CUBN: variants seen among roughly 807,000 people sequenced by gnomAD.
CUBN encodes the protein cubilin, also known as 460 kDa receptor.
Under a neutral mutation model 405.3 loss-of-function variants are expected in CUBN, and 282 were observed. The ratio of observed to expected loss-of-function variants is 0.70; its 90% confidence interval spans 0.63 to 0.77. The LOEUF (loss-of-function observed/expected upper bound fraction) is 0.77. CUBN is among the 30% of genes least tolerant of loss of function. The pLI is 0.00. For missense variants in CUBN, 4,514 were observed against 4,475.2 expected (o/e 1.01, Z -0.25); for synonymous variants, 1,684 against 1,617.0 (o/e 1.04, Z -0.99).
At chr10:16,903,898 A>G in intron 51 of CUBN, 68 bp downstream of exon 51, 1 of 1,111,926 alleles carries the variant, frequency 9.0e-7, no homozygotes, top group African/African-American at 1.6e-5. Context: ...ATATATATGA[A>G]ATCTTTATGG....
At position 16,945,507 on chromosome 10, in the gene CUBN, C is replaced by A. The variant is rs368443586; in HGVS notation, c.5342+1728G>T. On this transcript the variant is annotated intron_variant, in intron 36 of 66. Coordinates refer to ENST00000377833, the MANE Select transcript of CUBN (RefSeq NM_001081.4). The stretch of plus-strand genomic sequence containing the variant: ...ACCAGGCCAGGCACGGTGGCTCATG[C>A]CTGTAATCCCAGCACTTTGGGAGGC... 2.7e-3 allele frequency among the ~76,000 whole-genome samples: 413 copies of A among 152,220 alleles called. 1 individual carries two copies. Among genetic ancestry groups the A allele is most frequent in the African/African-American group, 9.8e-3 (406 of 41,522 alleles).
intron 30 of CUBN, among the ~76,000 whole-genome samples, chr10:16,983,335 T>C (rs765551888): frequency 6.6e-6 from 1 of 152,176 alleles, no homozygotes; most frequent in East Asian, 1.9e-4. Context: ...AGCTCTTATA[T>C]AGATACCTTG....
chr10:17,082,088 G>A (rs1367976038), intron 17 of CUBN, among the ~76,000 whole-genome samples: 1 of 152,130 alleles, frequency 6.6e-6, no homozygotes, highest in African/African-American at 2.4e-5. Flanking sequence ...TCTCTGAACT[G>A]ATAAATTCAA....
At chr10:17,084,559 C>A in intron 16 of CUBN, 98 bp from the exon 17 acceptor site, 1 of 911,772 alleles carries the variant, frequency 1.1e-6, no homozygotes, top group Non-Finnish European at 1.8e-6. Flanking sequence ...CACACACACA[C>A]ACACAAGCAC....
rs555598976 is a variant in CUBN at position 16,889,977 on chromosome 10, T to C, written c.8755+394A>G. On this transcript the variant is annotated intron_variant, in intron 55 of 66. Coordinates refer to ENST00000377833, the MANE Select transcript of CUBN (RefSeq NM_001081.4). ...AACAGGAAAGACTTCGTCATGGAAA[T>C]TCTGAATTCAGTTGGGCCTGGAGTG... is the stretch of plus-strand genomic sequence containing the variant. Among the ~76,000 whole-genome samples the C allele has an allele frequency of 6.0e-4, 84 of 139,132 alleles. 1 individual carries two copies. The highest frequency in any genetic ancestry group is 1.2e-3 in the Non-Finnish European group (78 of 66,294). The allele number at this position is 139,132 out of a possible 152,430, so 91.3% of individuals were successfully genotyped here. A position where few individuals can be genotyped will look rare whatever the true frequency, so the allele number is the denominator to read the frequency against.
intron 22 of CUBN, among the ~76,000 whole-genome samples, chr10:17,064,648 A>C (rs1296540325): frequency 6.6e-6 from 1 of 152,154 alleles, no homozygotes; most frequent in Non-Finnish European, 1.5e-5. Context: ...AAAAAACAAC[A>C]CATCCTAGGG....
intron 60 of CUBN, among the ~76,000 whole-genome samples, chr10:16,850,436 A>G (rs978451466): frequency 6.6e-6 from 1 of 152,200 alleles, no homozygotes; most frequent in African/African-American, 2.4e-5. Flanking sequence ...GTCATTAAAA[A>G]TTGAACAGAA....
At position 16,918,801 on chromosome 10, in the gene CUBN, C is replaced by G. The variant is rs1353402674; in HGVS notation, c.6822-1G>C. ...CAACTCAAGGTAGTTGGAAGTACAGCTGAAGTGGGAACAAAATTCTGTTAA... is the reference window on the plus strand; with the variant it reads ...CAACTCAAGGTAGTTGGAAGTACAGGTGAAGTGGGAACAAAATTCTGTTAA... On this transcript the variant is annotated splice_acceptor_variant, in intron 44 of 66. Coordinates refer to ENST00000377833, the MANE Select transcript of CUBN (RefSeq NM_001081.4). LOFTEE classifies it high-confidence loss of function. 1.9e-6 allele frequency: 3 copies of G among 1,613,396 alleles called. No individual in the cohort carries two copies. The highest frequency in any genetic ancestry group is 2.5e-6 in the Non-Finnish European group (3 of 1,179,578).
chr10:16,992,493 C>T (rs1001843271), intron 28 of CUBN, among the ~76,000 whole-genome samples: 2 of 152,156 alleles, frequency 1.3e-5, no homozygotes, highest in African/African-American at 4.8e-5. Flanking sequence ...AAGTAAGACA[C>T]CAAGTCTGAG....
In CUBN at chr10:16,990,397, A is replaced by C; in HGVS notation, c.4287T>G (p.Ile1429Met). ...WYIRTDPGSS[I>M]QLTIHDFDVE... is the part of the protein sequence containing the mutation. ...CATCGAAGTCATGGATGGTGAGCTG[A>C]ATGCTACTCCCGGGGTCCGTCCTAA... The change falls in exon 29 of 67, where the codon ATT becomes ATG. Residue 1429 changes from isoleucine (I) to methionine (M), a missense_variant. Physicochemically the swap from Ile to Met is conservative, Grantham distance 10. Transcript: ENST00000377833. 1 of 1,614,174 alleles carries C rather than the reference A, an allele frequency of 6.2e-7. No homozygotes were observed. The highest frequency in any genetic ancestry group is 1.1e-5 in the South Asian group (1 of 91,084).
At chr10:16,871,113 T>C (rs1179605480) in intron 58 of CUBN, among the ~76,000 whole-genome samples, 1 of 151,932 alleles carries the variant, frequency 6.6e-6, no homozygotes, top group Non-Finnish European at 1.5e-5. Context: ...CTGCAACCTC[T>C]GCCTCCCTGG....
rs139511152 is a variant in CUBN, at chr10:16,841,022, G to A, written c.9689C>T (p.Ala3230Val). The A allele has an allele frequency of 1.3e-5, 21 of 1,613,890 alleles. 1 individual carries two copies. The African/African-American group carries it at 2.0e-4, about 15-fold the overall frequency. ...ACCACAAAACGTTCCAGCCAAGTTC[G>A]CATTTTCACTATCCCCATCATATAA... Reference protein sequence around the residue: ...VKLYDGDSENANLAGTFCGST... With the variant: ...VKLYDGDSENVNLAGTFCGST... Residue 3230 changes from alanine to valine, a missense_variant, in exon 61 of 67, where the codon GCG (alanine) becomes GTG (valine). By Grantham distance (64) the Ala-to-Val change is moderately conservative (BLOSUM62 0). Around this residue, in one of 5 missense-constraint regions of CUBN, gnomAD observed 1,186 missense variants for 1,186.9 expected, o/e 1.00. Transcript: ENST00000377833.
intron 35 of CUBN, 28 bp downstream of exon 35, chr10:16,948,450 G>A (rs187014387): frequency 1.6e-5 from 25 of 1,612,896 alleles, no homozygotes; most frequent in Middle Eastern, 1.7e-4. Flanking sequence ...CCTTTTAACC[G>A]CTAGAGTCAG....
chr10:16,845,987 T>A (rs528272246), intron 60 of CUBN, among the ~76,000 whole-genome samples: 1 of 152,364 alleles, frequency 6.6e-6, no homozygotes, highest in African/African-American at 2.4e-5. Context: ...AAGATTTTTG[T>A]CCCACATAAC....
chr10:16,840,049 C>T (rs1394905708), intron 62 of CUBN, among the ~76,000 whole-genome samples: 1 of 132,784 alleles, frequency 7.5e-6, no homozygotes, highest in East Asian at 2.2e-4. Context: ...GGGAACATCA[C>T]ACACCGGGGC....
intron 22 of CUBN, among the ~76,000 whole-genome samples, chr10:17,049,867 C>T (rs1835224407): frequency 6.6e-6 from 1 of 152,168 alleles, no homozygotes; most frequent in African/African-American, 2.4e-5. Flanking sequence ...GAACCCCAAA[C>T]ATATTTTGTA....
chr10:16,896,326 G>A (rs1841182284), intron 54 of CUBN, among the ~76,000 whole-genome samples: 1 of 151,978 alleles, frequency 6.6e-6, no homozygotes, highest in East Asian at 1.9e-4. Context: ...AAGAACTTCT[G>A]TTTGACCATC....
chr10:16,950,376 T>A (rs755745932), intron 33 of CUBN, among the ~76,000 whole-genome samples: 24 of 152,160 alleles, frequency 1.6e-4, no homozygotes, highest in Non-Finnish European at 2.2e-4. Flanking sequence ...CATGATGGGA[T>A]TATTTCACAT....
intron 38 of CUBN, 25 bp from the exon 39 acceptor site, chr10:16,937,809 G>A (rs780497997): frequency 3.5e-5 from 56 of 1,583,740 alleles, no homozygotes; most frequent in Non-Finnish European, 4.6e-5. Flanking sequence ...AGATAATAGA[G>A]CATTGTATTA....
Sources: gnomAD v4.1 joint callset for allele counts (sites outside exome capture counted in the v4.1 genomes callset) on GRCh38, gnomAD v4.1.1 for gene constraint, gnomAD v4.1.1 regional missense constraint, MANE v1.5 for transcripts, NCBI Gene and HGNC (gene_info 2026-07-23, HGNC 2026-07-21) for gene names.